TYK2: variants seen among roughly 807,000 people sequenced by gnomAD.
The protein encoded by TYK2 is tyrosine kinase 2, also known as non-receptor tyrosine-protein kinase TYK2.
Under a neutral mutation model 130.9 loss-of-function variants are expected in TYK2, and 65 were observed. The observed-to-expected ratio is 0.50, with a 90% confidence interval of 0.41 to 0.61. TYK2 has a LOEUF of 0.61. Among genes scored for constraint, TYK2 ranks in the 20% least tolerant of loss-of-function variants. TYK2 has a pLI of 0.00. For missense variants in TYK2, 1,378 were observed against 1,610.7 expected, an observed-to-expected ratio of 0.86 and a Z score of 2.47; for synonymous variants, 647 against 658.9, an observed-to-expected ratio of 0.98 and a Z score of 0.28.
intron 9 of TYK2, among the ~76,000 whole-genome samples, chr19:10,363,489 T>G (rs914321058): frequency 6.6e-6 from 1 of 152,126 alleles, no homozygotes; most frequent in East Asian, 1.9e-4. Context: ...CTACTCCTAC[T>G]CTTGTACTTG....
intron 23 of TYK2, chr19:10,351,462 G>C (rs1483787699): frequency 1.1e-5 from 4 of 364,716 alleles, no homozygotes; most frequent in Non-Finnish European, 2.1e-5. Context: ...ACTCCAGCCT[G>C]GGATACAAGT....
At chr19:10,366,368 A>G (rs748082483) in intron 6 of TYK2, 49 bp downstream of exon 6, 3 of 1,583,522 alleles carry the variant, frequency 1.9e-6, no homozygotes, top group Non-Finnish European at 2.6e-6. Flanking sequence ...CCAGATGCTC[A>G]GGACATTTCC....
At chr19:10,365,219 A>G (rs1163681385) in intron 7 of TYK2, among the ~76,000 whole-genome samples, 171 bp from the exon 8 acceptor site, 4 of 152,190 alleles carry the variant, frequency 2.6e-5, no homozygotes, top group South Asian at 2.1e-4. Context: ...AATCATACAC[A>G]TGCTGGAAGC....
chr19:10,378,537 C>A, intron 2 of TYK2, 111 bp from the exon 3 acceptor site: 1 of 845,658 alleles, frequency 1.2e-6, no homozygotes, highest in Non-Finnish European at 1.9e-6. Context: ...TCTGGGCTCC[C>A]ATCTTGGCAT....
chr19:10,365,989 C>T (rs1599352598), intron 6 of TYK2, 91 bp from the exon 7 acceptor site: 3 of 1,339,936 alleles, frequency 2.2e-6, no homozygotes, highest in East Asian at 5.0e-5. Flanking sequence ...CTCTTTGAGC[C>T]TCAGCTGCCT....
intron 15 of TYK2, among the ~76,000 whole-genome samples, 156 bp from the exon 16 acceptor site, chr19:10,358,294 GTTTT>G (rs770531180): frequency 2.2e-5 from 2 of 91,394 alleles, no homozygotes; most frequent in South Asian, 3.7e-4. Flanking sequence ...TTTTTTTCTT[GTTTT>G]TTTTTTTTTT....
intron 3 of TYK2, among the ~76,000 whole-genome samples, chr19:10,377,913 AATGGGTGG>A (rs1430659699): frequency 6.9e-4 from 9 of 12,984 alleles, no homozygotes; most frequent in African/African-American, 1.1e-3. Flanking sequence ...TGGGTGGATG[AATGGGTGG>A]ATGGGTGGAT....
chr19:10,365,616 G>A lies in TYK2; in HGVS notation c.912C>T (p.Gly304=), dbSNP rs2041622988. ...TTGGGGGCCCAGCAGCAGACTCAGG[G>A]CCAGGGTCTGTAGGGGCCACCCCAC... is the stretch of plus-strand genomic sequence containing the variant. ...RDSGVAPTDP[G]PESAAGPPTH... The change falls in exon 7 of 25, where the codon GGC becomes GGT. Residue 304 remains glycine, a synonymous_variant. Transcript: ENST00000525621. The A allele has an allele frequency of 1.2e-6, 2 of 1,614,048 alleles. No homozygotes were observed. The highest frequency in any genetic ancestry group is 1.7e-6 in the Non-Finnish European group (2 of 1,179,982).
At chr19:10,368,575 G>C (rs954091529) in intron 3 of TYK2, 157 bp from the exon 4 acceptor site, 1 of 1,045,104 alleles carries the variant, frequency 9.6e-7, no homozygotes, top group African/African-American at 1.6e-5. Flanking sequence ...AGGACAGTGC[G>C]TATGTTGCCC....
intron 2 of TYK2, among the ~76,000 whole-genome samples, chr19:10,378,830 T>C (rs1240152101): frequency 7.7e-6 from 1 of 130,326 alleles, no homozygotes; most frequent in African/African-American, 2.9e-5. Context: ...GACGTTTTAT[T>C]TTATATCTTA....
intron 3 of TYK2, among the ~76,000 whole-genome samples, chr19:10,372,194 C>T (rs1028901434): frequency 4.0e-5 from 6 of 150,552 alleles, no homozygotes; most frequent in South Asian, 4.2e-4. Context: ...GGGGTTTCAC[C>T]GTGTTAGCCA....
At chr19:10,363,752 T>C (rs567139914) in intron 9 of TYK2, among the ~76,000 whole-genome samples, 1 of 152,206 alleles carries the variant, frequency 6.6e-6, no homozygotes, top group African/African-American at 2.4e-5. Flanking sequence ...CATGGTCACA[T>C]AGGTCCAGAC....
chr19:10,376,013 T>C (rs1568345500), intron 3 of TYK2, among the ~76,000 whole-genome samples: 1 of 149,804 alleles, frequency 6.7e-6, no homozygotes, highest in African/African-American at 2.5e-5. Flanking sequence ...CTTTCTTTTT[T>C]TTTTTTTTTT....
At chr19:10,369,780 A>G (rs1259368041) in intron 3 of TYK2, 2 of 452,698 alleles carry the variant, frequency 4.4e-6, no homozygotes, top group Non-Finnish European at 8.8e-6. Flanking sequence ...GCAGTGGCTC[A>G]CGCCTATAAT....
Position 10,368,106 on chromosome 19 carries a change from T to C in TYK2, c.414A>G (p.Ala138=), listed in dbSNP as rs765173421. ...PGTEASSDQT[A]QGMQLLDPAS... ...CTGGGTCCAGGAGTTGCATCCCCTG[T>C]GCTGTCTGATCTGAGGATGCCTCGG... Residue 138 remains alanine (A), a synonymous_variant, in exon 5 of 25, where the codon GCA becomes GCG. Transcript: ENST00000525621. The C allele has an allele frequency of 6.2e-7, 1 of 1,614,112 alleles. No individual in the cohort carries two copies. The highest frequency in any genetic ancestry group is 1.3e-5 in the African/African-American group (1 of 75,022).
rs1171311761 is a variant in TYK2, at chr19:10,351,932, G to T, written c.3318+502C>A. 4.6e-5 allele frequency among the ~76,000 whole-genome samples: 7 copies of T among 151,428 alleles called. No homozygotes were observed. The South Asian group carries it at 1.0e-3, about 23-fold the overall frequency. On this transcript the variant is annotated intron_variant, in intron 23 of 24. Coordinates refer to ENST00000525621, the MANE Select transcript of TYK2 (RefSeq NM_003331.5). ...TTTTTGTATTTTTAGTAGAGACGGGGTTTCACCATGTTGGCCAGGCTGGTC... is the reference window on the plus strand; with the variant it reads ...TTTTTGTATTTTTAGTAGAGACGGGTTTTCACCATGTTGGCCAGGCTGGTC...
rs536547800 is a variant in TYK2, at chr19:10,355,457, C to G, written c.2618-848G>C. Among the ~76,000 whole-genome samples the G allele has an allele frequency of 8.7e-4, 131 of 151,288 alleles. 1 individual carries two copies. Among genetic ancestry groups the G allele is most frequent in the Non-Finnish European group, 8.8e-4 (60 of 67,882 alleles). ...GAGTTTGAGACCAGCCTAGCCAACA[C>G]AGTGAAACCCCGTCTCTACTAAAAA... On this transcript the variant is annotated intron_variant, in intron 18 of 24. Transcript: ENST00000525621.
rs2040989628 is a variant in TYK2 at position 10,354,596 on chromosome 19, G to A, written c.2631C>T (p.Val877=). The change falls in exon 19 of 25, where the codon GTC becomes GTT. Residue 877 remains valine (V), a synonymous_variant. Coordinates refer to ENST00000525621, the MANE Select transcript of TYK2 (RefSeq NM_003331.5). ...CCGGTGAGTCCGGGTTCACAGTCAA[G>A]ACGTCAGCAAGATCTGGAAGAGTTG... ...TRLQPHNLAD[V]LTVNPDSPAS... is the part of the protein sequence containing the mutation. 6.2e-7 allele frequency: 1 copy of A among 1,613,976 alleles called. No individual in the cohort carries two copies. Among genetic ancestry groups the A allele is most frequent in the Admixed American group, 1.7e-5 (1 of 59,982 alleles).
At chr19:10,351,956 T>A (rs7245877) in intron 23 of TYK2, among the ~76,000 whole-genome samples, 13,021 of 151,592 alleles carry the variant, frequency 0.086, 606 homozygotes, top group Middle Eastern at 0.17. Flanking sequence ...GCCAGGCTGG[T>A]CTCGATCTCC....
Sources: gnomAD v4.1 joint callset for allele counts (sites outside exome capture counted in the v4.1 genomes callset) on GRCh38, gnomAD v4.1.1 for gene constraint, MANE v1.5 for transcripts, NCBI Gene and HGNC (gene_info 2026-07-23, HGNC 2026-07-21) for gene names.